Variants in PHF24 observed in about 807,000 individuals in gnomAD.
The protein encoded by PHF24 is Galpha inhibitory interacting protein.
A neutral mutation model predicts 42.6 loss-of-function variants in PHF24; 25 were observed. The observed-to-expected ratio is 0.59, with a 90% CI of 0.43 to 0.82. The LOEUF is 0.82. PHF24 is among the 40% of genes least tolerant of loss of function. PHF24 has a pLI of 0.00. For synonymous variants in PHF24, 185 were observed against 204.8 expected, an observed-to-expected ratio of 0.90 and a Z score of 0.83; for missense variants, 470 against 538.1, an observed-to-expected ratio of 0.87 and a Z score of 1.25.
intron 1 of PHF24, among the ~76,000 whole-genome samples, chr9:34,968,681 G>A (rs1826867489): frequency 1.3e-5 from 2 of 152,354 alleles, no homozygotes; most frequent in African/African-American, 4.8e-5. Context: ...GCTGTCATCA[G>A]ATAGTACATG....
At chr9:34,668,290 CTAT>C in the PHF24 span, among the ~76,000 whole-genome samples, 3 of 152,222 alleles carry the variant, frequency 2.0e-5, no homozygotes, top group East Asian at 3.9e-4. Context: ...GAGACAGAGC[CTAT>C]AAAGAGAAGA....
At chr9:34,953,721 G>T (rs1826309725), upstream of PHF24, among the ~76,000 whole-genome samples, 1 of 152,102 alleles carries the variant, frequency 6.6e-6, no homozygotes, top group African/African-American at 2.4e-5. The surrounding 1 kb of genome is among the most constrained non-coding windows in gnomAD (Gnocchi z 4.1). Context: ...AAGGTGGGAA[G>T]ATCAGTTGAG....
At chr9:34,744,444 C>T in the PHF24 span, among the ~76,000 whole-genome samples, 3 of 152,140 alleles carry the variant, frequency 2.0e-5, no homozygotes, top group Non-Finnish European at 4.4e-5. Flanking sequence ...TAGGTTGCAA[C>T]CTGGCTCAGT....
the PHF24 span, among the ~76,000 whole-genome samples, chr9:34,739,877 G>A: frequency 6.6e-6 from 1 of 152,064 alleles, no homozygotes; most frequent in Non-Finnish European, 1.5e-5. Context: ...GTTTTGACAG[G>A]GCGCTGATTG....
chr9:34,805,913 A>G, the PHF24 span, among the ~76,000 whole-genome samples: 2 of 152,284 alleles, frequency 1.3e-5, no homozygotes, highest in African/African-American at 4.8e-5. Flanking sequence ...ATCCTTTTGT[A>G]TGTGGATACA....
At chr9:34,847,267 T>A in the PHF24 span, among the ~76,000 whole-genome samples, 2 of 152,210 alleles carry the variant, frequency 1.3e-5, no homozygotes, top group Non-Finnish European at 2.9e-5. Context: ...GTATCCTCTT[T>A]TATTTCGTTG....
upstream of PHF24, among the ~76,000 whole-genome samples, chr9:34,956,356 T>G (rs1826370963): frequency 6.6e-6 from 1 of 152,152 alleles, no homozygotes; most frequent in Non-Finnish European, 1.5e-5. Flanking sequence ...GCCTCCTGGA[T>G]TCAAGAGATT....
chr9:34,698,411 A>G, the PHF24 span, among the ~76,000 whole-genome samples: 2 of 152,176 alleles, frequency 1.3e-5, no homozygotes, highest in Non-Finnish European at 2.9e-5. Context: ...CTGTATTTAT[A>G]TGTACTACTG....
chr9:34,692,184 G>C, the PHF24 span, among the ~76,000 whole-genome samples: 1 of 152,152 alleles, frequency 6.6e-6, no homozygotes, highest in Admixed American at 6.5e-5. Flanking sequence ...CCCTCTTTTG[G>C]ATGGAGAGAG....
At chr9:34,964,606 T>C (rs1826704717) in intron 1 of PHF24, among the ~76,000 whole-genome samples, 1 of 152,086 alleles carries the variant, frequency 6.6e-6, no homozygotes, top group Admixed American at 6.5e-5. Context: ...CTCCTCTTAC[T>C]CCCACCACTT....
the PHF24 span, chr9:34,832,408 G>A: frequency 8.4e-7 from 1 of 1,197,078 alleles, no homozygotes; most frequent in Non-Finnish European, 1.2e-6. Flanking sequence ...TGTAACCGAA[G>A]CTTATTGTCT....
At chr9:34,924,918 C>A in the PHF24 span, among the ~76,000 whole-genome samples, 2 of 152,094 alleles carry the variant, frequency 1.3e-5, no homozygotes, top group Admixed American at 1.3e-4. Context: ...TGATTCCTTT[C>A]TCTTTCTTCT....
At chr9:34,968,685 G>A in intron 1 of PHF24, among the ~76,000 whole-genome samples, 1 of 152,202 alleles carries the variant, frequency 6.6e-6, no homozygotes, top group Admixed American at 6.5e-5. Context: ...TCATCAGATA[G>A]TACATGTATT....
chr9:34,779,385 T>C, the PHF24 span, among the ~76,000 whole-genome samples: 1 of 152,218 alleles, frequency 6.6e-6, no homozygotes, highest in East Asian at 1.9e-4. Flanking sequence ...TTCCTATGTG[T>C]TTCTACGTTG....
intron 2 of PHF24, 72 bp from the exon 3 acceptor site, chr9:34,972,274 T>C (rs1827019289): frequency 7.2e-7 from 1 of 1,384,342 alleles, no homozygotes; most frequent in Non-Finnish European, 9.9e-7. Flanking sequence ...CAGGTAGCTC[T>C]GTGCTTAGTG....
At chr9:34,715,354 C>T in the PHF24 span, among the ~76,000 whole-genome samples, 3 of 152,086 alleles carry the variant, frequency 2.0e-5, no homozygotes, top group Non-Finnish European at 2.9e-5. Context: ...GTCTTCTGAG[C>T]CATTCCTCTG....
chr9:34,811,979 G>A, the PHF24 span, among the ~76,000 whole-genome samples: 1 of 152,194 alleles, frequency 6.6e-6, no homozygotes, highest in South Asian at 2.1e-4. Context: ...ATGGGAAAAT[G>A]ATGTGAATAG....
At chr9:34,797,714 T>C in the PHF24 span, among the ~76,000 whole-genome samples, 1 of 151,070 alleles carries the variant, frequency 6.6e-6, no homozygotes, top group Non-Finnish European at 1.5e-5. Flanking sequence ...GTCTGCCTGC[T>C]AGGGTCTCGG....
the PHF24 span, among the ~76,000 whole-genome samples, chr9:34,686,607 AAGAGCAACCTG>A: frequency 6.6e-6 from 1 of 152,332 alleles, no homozygotes; most frequent in East Asian, 1.9e-4. Context: ...CCCAAAGGCT[AAGAGCAACCTG>A]AGAAGGGATG....
Sources: gnomAD v4.1 joint callset for allele counts (sites outside exome capture counted in the v4.1 genomes callset) on GRCh38, gnomAD v4.1.1 for gene constraint, Gnocchi (gnomAD v3.1) non-coding constraint, MANE v1.5 for transcripts, NCBI Gene and HGNC (gene_info 2026-07-23, HGNC 2026-07-21) for gene names.